Variants in SLCO1C1 observed in about 807,000 individuals in gnomAD.
SLCO1C1 encodes the protein solute carrier organic anion transporter family member 1C1.
A neutral mutation model predicts 76.4 loss-of-function variants in SLCO1C1; 70 were observed. That is an observed-to-expected ratio of 0.92 (90% CI 0.76 to 1.12). SLCO1C1 has a LOEUF of 1.12. Among genes scored for constraint, SLCO1C1 ranks in the 50% most tolerant of loss-of-function variants. SLCO1C1 has a pLI of 0.00. For missense variants in SLCO1C1, 912 were observed against 823.8 expected (o/e 1.11, Z -1.31); for synonymous variants, 306 against 286.1 (o/e 1.07, Z -0.70).
chr12:20,739,768 C>A (rs1226453313), intron 11 of SLCO1C1, among the ~76,000 whole-genome samples: 1 of 152,168 alleles, frequency 6.6e-6, no homozygotes, highest in Non-Finnish European at 1.5e-5. Flanking sequence ...TGCAGTCTGA[C>A]TGCCATGTTT....
chr12:20,724,409 GTGTATATATATATATATATATATA>G lies in SLCO1C1; in HGVS notation c.1186+1157_1186+1180del, dbSNP rs1300235767. ...ATATATATAATGTGTGTGTGTGTGT[GTGTATATATATATATATATATATA>G]TATATATATATATATATATGTGTGT... is the stretch of plus-strand genomic sequence containing the variant. On this transcript the variant is annotated intron_variant, in intron 9 of 14. Coordinates refer to ENST00000266509, the MANE Select transcript of SLCO1C1 (RefSeq NM_017435.5). Among the ~76,000 whole-genome samples, 37 of 65,528 alleles carry G rather than the reference GTGTATATATATATATATATATATA, an allele frequency of 5.6e-4. 1 individual carries two copies. The South Asian group carries it at 0.01, about 18-fold the overall frequency. The allele number at this position is 65,528 out of a possible 152,430, so 43.0% of individuals were successfully genotyped here.
chr12:20,743,365 T>C lies in SLCO1C1; in HGVS notation c.1794T>C (p.Val598=). ...GTATCTACACATTAGCAATAAGAGTTCTTGGTAAGTTTAACCTATGCTTTA... is the reference window on the plus strand; with the variant it reads ...GTATCTACACATTAGCAATAAGAGTCCTTGGTAAGTTTAACCTATGCTTTA... ...ALGIYTLAIR[V]LAGIPAPVYF... Residue 598 remains valine (V), a synonymous_variant, in exon 13 of 15, where the codon GTT becomes GTC. Transcript: ENST00000266509. 2.5e-6 allele frequency: 4 copies of C among 1,612,034 alleles called. No individual in the cohort carries two copies. The highest frequency in any genetic ancestry group is 3.4e-6 in the Non-Finnish European group (4 of 1,178,612).
At chr12:20,751,286 G>A (rs1264768066) in intron 14 of SLCO1C1, among the ~76,000 whole-genome samples, 1 of 152,136 alleles carries the variant, frequency 6.6e-6, no homozygotes, top group African/African-American at 2.4e-5. Flanking sequence ...ATGCATGAAA[G>A]TAAAAGGTTT....
In SLCO1C1 at chr12:20,750,850, T is replaced by C. The variant is rs1488917278; in HGVS notation, c.1916+58T>C. 2.5e-6 allele frequency: 4 copies of C among 1,613,802 alleles called. No individual in the cohort carries two copies. The South Asian group carries it at 3.3e-5, about 13-fold the overall frequency. ...GCTACAGCATCCCAGATTTACACAA[T>C]GCCACTGACACTAACAAGTTTTCAT... On this transcript the variant is annotated intron_variant, in intron 14 of 14. Coordinates refer to ENST00000266509, the MANE Select transcript of SLCO1C1 (RefSeq NM_017435.5).
At chr12:20,718,542 A>G (rs181149585) in intron 7 of SLCO1C1, among the ~76,000 whole-genome samples, 3 of 152,322 alleles carry the variant, frequency 2.0e-5, no homozygotes, top group Admixed American at 2.0e-4. Context: ...ATTGTTAACC[A>G]TCATTTAATA....
intron 13 of SLCO1C1, 37 bp downstream of exon 13, chr12:20,743,406 C>A: frequency 6.7e-7 from 1 of 1,501,510 alleles, no homozygotes; most frequent in Non-Finnish European, 9.2e-7. Flanking sequence ...TGGTAGACAC[C>A]GTAAGTGTAT....
At chr12:20,739,843 C>T (rs1458750501) in intron 11 of SLCO1C1, among the ~76,000 whole-genome samples, 2 of 152,114 alleles carry the variant, frequency 1.3e-5, no homozygotes, top group East Asian at 1.9e-4. Context: ...AAACAAGTTG[C>T]GCATAAAGGG....
intron 4 of SLCO1C1, among the ~76,000 whole-genome samples, chr12:20,710,656 C>G (rs1014192208): frequency 6.6e-6 from 1 of 152,098 alleles, no homozygotes; most frequent in Non-Finnish European, 1.5e-5. Flanking sequence ...TGGTGCTATG[C>G]TAGTAAGCAG....
chr12:20,700,428 G>C (rs575890075), intron 2 of SLCO1C1, among the ~76,000 whole-genome samples: 1 of 151,408 alleles, frequency 6.6e-6, no homozygotes. Context: ...GCTATTTAGT[G>C]ATAGAAGTTT....
chr12:20,695,344 C>A lies in SLCO1C1; in HGVS notation c.-489C>A, dbSNP rs1216721687. 2 of 152,132 alleles carry A rather than the reference C, an allele frequency of 1.3e-5. No homozygotes were observed. The highest frequency in any genetic ancestry group is 2.1e-4 in the South Asian group (1 of 4,826). 9.4% of individuals were successfully genotyped at this position (152,132 alleles called of 1,614,324 possible). ...TCTGGCTTCTGTTCCTTACCCTCTG[C>A]CCCCTGCGGAGTTGTGTTTTCTGGG... On this transcript the variant is annotated 5_prime_UTR_variant, in exon 1 of 15. Transcript: ENST00000266509.
chr12:20,711,304 T>C, intron 4 of SLCO1C1, 82 bp from the exon 5 acceptor site: 1 of 1,465,580 alleles, frequency 6.8e-7, no homozygotes, highest in Non-Finnish European at 9.2e-7. Flanking sequence ...CCTGGTACCC[T>C]AACGATTCGT....
intron 9 of SLCO1C1, among the ~76,000 whole-genome samples, chr12:20,727,711 G>C (rs562319483): frequency 6.6e-6 from 1 of 152,060 alleles, no homozygotes; most frequent in Non-Finnish European, 1.5e-5. Flanking sequence ...GGGTTTCACT[G>C]TGTTAGCCAG....
At chr12:20,746,017 C>T (rs144336754) in intron 13 of SLCO1C1, among the ~76,000 whole-genome samples, 52 of 152,104 alleles carry the variant, frequency 3.4e-4, no homozygotes, top group South Asian at 1.2e-3. Flanking sequence ...AATATAATCT[C>T]GCAGTAAAAG....
intron 10 of SLCO1C1, among the ~76,000 whole-genome samples, chr12:20,733,877 T>G (rs1948412686): frequency 6.6e-6 from 1 of 152,170 alleles, no homozygotes; most frequent in African/African-American, 2.4e-5. Flanking sequence ...CCTTGCCCAT[T>G]GAGAGTCTTT....
At position 20,732,998 on chromosome 12, in the gene SLCO1C1, A is replaced by G; in HGVS notation, c.1276A>G (p.Lys426Glu). The G allele has an allele frequency of 1.2e-6, 2 of 1,613,862 alleles. No individual in the cohort carries two copies. Among genetic ancestry groups the G allele is most frequent in the Non-Finnish European group, 1.7e-6 (2 of 1,179,896 alleles). Reference protein sequence around the residue: ...KFRISVCGAAKLYLGSSVFGY... With the variant: ...KFRISVCGAAELYLGSSVFGY... The stretch of plus-strand genomic sequence containing the variant: ...CAGAATCAGTGTGTGTGGAGCTGCA[A>G]AACTCTACTTGGGATCATCTGTCTT... Residue 426 changes from lysine to glutamate, a missense_variant, in exon 10 of 15, where the codon AAA becomes GAA. By Grantham distance (56) the Lys-to-Glu change is moderately conservative. Coordinates refer to ENST00000266509, the MANE Select transcript of SLCO1C1 (RefSeq NM_017435.5).
rs577871134 is a variant in SLCO1C1 at position 20,723,220 on chromosome 12, T to G, written c.1152T>G (p.Tyr384Ter). The G allele has an allele frequency of 6.2e-7, 1 of 1,613,938 alleles. No individual in the cohort carries two copies. The highest frequency in any genetic ancestry group is 1.3e-5 in the African/African-American group (1 of 75,038). ...TYKPKYIEQQ[Y>*]GQSSSRANFV... ...AACCAAAGTACATTGAGCAGCAGTATGGACAGTCATCCTCCAGGGCCAACT... is the reference window on the plus strand; with the variant it reads ...AACCAAAGTACATTGAGCAGCAGTAGGGACAGTCATCCTCCAGGGCCAACT... The change falls in exon 9 of 15, where the codon TAT becomes TAG. Residue 384 changes from tyrosine to a stop codon, truncating the protein, a stop_gained. Coordinates refer to ENST00000266509, the MANE Select transcript of SLCO1C1 (RefSeq NM_017435.5). LOFTEE classifies it high-confidence loss of function.
Position 20,733,092 on chromosome 12 carries a change from T to C in SLCO1C1, c.1370T>C (p.Val457Ala). The change falls in exon 10 of 15, where the codon GTC becomes GCC. Residue 457 changes from valine to alanine, a missense_variant. Coordinates refer to ENST00000266509, the MANE Select transcript of SLCO1C1 (RefSeq NM_017435.5). ...AATTCTGATGTGGCAGGACTAACTGTCTCCTACCAAGGGTATGTTCCCTCA... is the reference window on the plus strand; with the variant it reads ...AATTCTGATGTGGCAGGACTAACTGCCTCCTACCAAGGGTATGTTCCCTCA... ...CENSDVAGLTVSYQGTKPVSY... is the reference protein window; with the variant it reads ...CENSDVAGLTASYQGTKPVSY... The C allele has an allele frequency of 6.3e-7, 1 of 1,583,626 alleles. No individual in the cohort carries two copies. The highest frequency in any genetic ancestry group is 1.4e-5 in the African/African-American group (1 of 73,840).
intron 13 of SLCO1C1, among the ~76,000 whole-genome samples, chr12:20,744,216 G>A (rs1019890099): frequency 1.3e-5 from 2 of 152,044 alleles, no homozygotes; most frequent in African/African-American, 4.8e-5. Flanking sequence ...CTAGAAAAGT[G>A]TCATATATTG....
intron 4 of SLCO1C1, among the ~76,000 whole-genome samples, chr12:20,706,654 A>T (rs1274526945): frequency 1.3e-5 from 2 of 152,156 alleles, no homozygotes; most frequent in Non-Finnish European, 2.9e-5. Flanking sequence ...TTTTACCCTT[A>T]TAGCAACCTG....
Sources: gnomAD v4.1 joint callset for allele counts (sites outside exome capture counted in the v4.1 genomes callset) on GRCh38, gnomAD v4.1.1 for gene constraint, MANE v1.5 for transcripts, NCBI Gene and HGNC (gene_info 2026-07-23, HGNC 2026-07-21) for gene names.